Variants in IKZF3 observed in about 807,000 individuals in gnomAD.
IKZF3 encodes zinc finger protein Aiolos.
IKZF3 carries 10 observed loss-of-function variants against 49.0 expected under a neutral mutation model. The observed-to-expected ratio is 0.20, with a 90% confidence interval of 0.13 to 0.35. The LOEUF is 0.35. Among genes scored for constraint, IKZF3 ranks in the 10% least tolerant of loss-of-function variants. The pLI is 1.00. For missense variants in IKZF3, 498 were observed against 664.8 expected, an observed-to-expected ratio of 0.75 and a Z score of 2.76; for synonymous variants, 209 against 228.2, an observed-to-expected ratio of 0.92 and a Z score of 0.76.
chr17:39,826,987 C>G (rs1033780137), intron 3 of IKZF3, among the ~76,000 whole-genome samples: 4 of 152,174 alleles, frequency 2.6e-5, no homozygotes, highest in Non-Finnish European at 5.9e-5. Flanking sequence ...CCAAGGGCTA[C>G]AAATCATTTT....
intron 1 of IKZF3, chr17:39,835,406 C>A (rs1173475061): frequency 6.4e-6 from 3 of 469,400 alleles, no homozygotes; most frequent in Admixed American, 4.7e-5. Context: ...TACACAATGG[C>A]GGCCTCCAGG....
intron 1 of IKZF3, among the ~76,000 whole-genome samples, chr17:39,847,259 A>T (rs544604247): frequency 7.9e-5 from 12 of 152,268 alleles, no homozygotes; most frequent in African/African-American, 2.6e-4. Flanking sequence ...GTACAAGAAC[A>T]GTTCTGTAGG....
At chr17:39,857,313 C>T (rs1462159653) in intron 1 of IKZF3, among the ~76,000 whole-genome samples, 2 of 152,068 alleles carry the variant, frequency 1.3e-5, no homozygotes, top group Non-Finnish European at 2.9e-5. Context: ...GGAAATTGTT[C>T]TGATGTGCCA....
At chr17:39,855,960 GTATATTGTATATGTA>G (rs2063030052) in intron 1 of IKZF3, among the ~76,000 whole-genome samples, 1 of 151,012 alleles carries the variant, frequency 6.6e-6, no homozygotes, top group Non-Finnish European at 1.5e-5. Flanking sequence ...AATATACAAT[GTATATTGTATATGTA>G]CAATATAACA....
At chr17:39,864,061 G>T in intron 1 of IKZF3, 59 bp downstream of exon 1, 7 of 1,603,678 alleles carry the variant, frequency 4.4e-6, no homozygotes, top group Non-Finnish European at 6.0e-6. Flanking sequence ...TCTTTCTACT[G>T]CTTGCACAGG....
At chr17:39,796,838 G>A (rs1005423361) in intron 3 of IKZF3, among the ~76,000 whole-genome samples, 2 of 149,326 alleles carry the variant, frequency 1.3e-5, no homozygotes, top group East Asian at 2.0e-4. Context: ...GAGCCACTGC[G>A]CTCGGCCTCA....
chr17:39,832,265 T>C, intron 1 of IKZF3, 114 bp from the exon 2 acceptor site: 1 of 675,578 alleles, frequency 1.5e-6, no homozygotes, highest in South Asian at 1.9e-5. Flanking sequence ...AGAATTCCTC[T>C]TTCAGAGCAA....
At chr17:39,843,414 T>C (rs1260943662) in intron 1 of IKZF3, among the ~76,000 whole-genome samples, 1 of 151,326 alleles carries the variant, frequency 6.6e-6, no homozygotes, top group African/African-American at 2.4e-5. Flanking sequence ...TTCAACTGCA[T>C]GCTGAAAAGA....
At chr17:39,837,233 C>A (rs2144359124) in intron 1 of IKZF3, among the ~76,000 whole-genome samples, 1 of 152,094 alleles carries the variant, frequency 6.6e-6, no homozygotes, top group South Asian at 2.1e-4. Context: ...CTGTGCCTGG[C>A]CTGGTGCTTT....
chr17:39,834,407 G>A (rs1310666462), intron 1 of IKZF3, among the ~76,000 whole-genome samples: 1 of 152,138 alleles, frequency 6.6e-6, no homozygotes, highest in African/African-American at 2.4e-5. Flanking sequence ...AAGTTTTCCT[G>A]TAAGCATTGC....
intron 1 of IKZF3, among the ~76,000 whole-genome samples, chr17:39,843,425 T>C (rs2062537043): frequency 6.6e-6 from 1 of 151,264 alleles, no homozygotes; most frequent in African/African-American, 2.4e-5. Context: ...GCTGAAAAGA[T>C]TCTTAACGGA....
intron 3 of IKZF3, among the ~76,000 whole-genome samples, chr17:39,826,691 G>A (rs995541993): frequency 1.3e-5 from 2 of 152,222 alleles, no homozygotes; most frequent in Admixed American, 6.5e-5. Flanking sequence ...AGATTTGGAA[G>A]CTGATCAGAA....
chr17:39,845,406 T>TC (rs34039260), intron 1 of IKZF3, among the ~76,000 whole-genome samples: 14,056 of 151,376 alleles, frequency 0.093, 1,332 homozygotes, highest in African/African-American at 0.25. Flanking sequence ...GTGCCTATAA[T>TC]CCAGCTACTC....
At chr17:39,850,937 G>A (rs143123127) in intron 1 of IKZF3, among the ~76,000 whole-genome samples, 3,595 of 123,842 alleles carry the variant, frequency 0.029, 64 homozygotes, top group Non-Finnish European at 0.037. Flanking sequence ...TTATATATAC[G>A]TGTATATATT....
intron 1 of IKZF3, among the ~76,000 whole-genome samples, chr17:39,861,096 G>A (rs897189167): frequency 6.6e-6 from 1 of 152,116 alleles, no homozygotes; most frequent in Non-Finnish European, 1.5e-5. Flanking sequence ...TTAATTGAAT[G>A]CAACAAATTC....
At chr17:39,776,683 CAT>C (rs1303434074) in intron 7 of IKZF3, among the ~76,000 whole-genome samples, 2 of 152,174 alleles carry the variant, frequency 1.3e-5, no homozygotes, top group African/African-American at 4.8e-5. Context: ...CTTGTCAAAA[CAT>C]TATCTATACC....
Position 39,829,433 on chromosome 17 carries a change from A to G in IKZF3, c.117T>C (p.Asn39=). 1 of 1,614,004 alleles carries G rather than the reference A, an allele frequency of 6.2e-7. No individual in the cohort carries two copies. The highest frequency in any genetic ancestry group is 8.5e-7 in the Non-Finnish European group (1 of 1,179,960). ...TGGCTGGGCCTTCTCCACTGTCCAC[A>G]TTTTCCATTTCATGAGATTTGGTTA... ...YSLTKSHEME[N]VDSGEGPANE... is the part of the protein sequence containing the mutation. The change falls in exon 3 of 8, where the codon AAT becomes AAC. Residue 39 remains asparagine (N), a synonymous_variant. Coordinates refer to ENST00000346872, the MANE Select transcript of IKZF3 (RefSeq NM_012481.5).
chr17:39,826,308 G>A (rs2061954607), intron 3 of IKZF3, among the ~76,000 whole-genome samples: 1 of 152,182 alleles, frequency 6.6e-6, no homozygotes, highest in Admixed American at 6.5e-5. Flanking sequence ...CTCCCAAAGT[G>A]TTAGGATTAC....
intron 1 of IKZF3, among the ~76,000 whole-genome samples, chr17:39,861,320 AAGGCACTAGGAGG>A (rs1320858438): frequency 1.3e-5 from 2 of 152,194 alleles, no homozygotes; most frequent in Non-Finnish European, 2.9e-5. Flanking sequence ...TGATCACCAG[AAGGCACTAGGAGG>A]AGGTCATCAG....
Sources: gnomAD v4.1 joint callset for allele counts (sites outside exome capture counted in the v4.1 genomes callset) on GRCh38, gnomAD v4.1.1 for gene constraint, MANE v1.5 for transcripts, NCBI Gene and HGNC (gene_info 2026-07-23, HGNC 2026-07-21) for gene names.